The following RAB38 variants were observed in gnomAD, a reference collection of about 807,000 sequenced individuals.
The protein encoded by RAB38 is ras-related protein Rab-38.
A neutral mutation model predicts 18.4 loss-of-function variants in RAB38; 15 were observed. The ratio of observed to expected loss-of-function variants is 0.82; its 90% CI spans 0.55 to 1.26. The LOEUF is 1.26. Ranked by LOEUF, RAB38 falls within the 50% of genes most tolerant of loss-of-function variation. The pLI, the probability that RAB38 is intolerant of heterozygous loss-of-function variation, is 0.00. For synonymous variants in RAB38, 101 were observed against 104.4 expected (o/e 0.97, Z 0.20); for missense variants, 294 against 267.4 (o/e 1.10, Z -0.69).
At chr11:88,125,447 T>C (rs1182598135) in intron 2 of RAB38, among the ~76,000 whole-genome samples, 1 of 152,228 alleles carries the variant, frequency 6.6e-6, no homozygotes, top group East Asian at 1.9e-4. Flanking sequence ...ATTGACATTC[T>C]CCTTTGAATT....
the RAB38 span, among the ~76,000 whole-genome samples, chr11:87,811,430 A>G: frequency 6.6e-6 from 1 of 152,182 alleles, no homozygotes; most frequent in African/African-American, 2.4e-5. Flanking sequence ...ACTACCTGTA[A>G]CAAATTCATG....
chr11:87,954,860 C>A, the RAB38 span, among the ~76,000 whole-genome samples: 1 of 152,142 alleles, frequency 6.6e-6, no homozygotes, highest in Non-Finnish European at 1.5e-5. Context: ...AAAGCATTAT[C>A]CCGTGTTTAT....
chr11:87,810,102 T>TAC, the RAB38 span, among the ~76,000 whole-genome samples: 1 of 152,192 alleles, frequency 6.6e-6, no homozygotes, highest in Non-Finnish European at 1.5e-5. Context: ...TCTATTATCA[T>TAC]ACAGACACAG....
chr11:87,881,517 T>C, the RAB38 span, among the ~76,000 whole-genome samples: 7 of 152,040 alleles, frequency 4.6e-5, no homozygotes, highest in Non-Finnish European at 1.0e-4. Context: ...AGTGATCTGT[T>C]ATTTTCTCTA....
At chr11:88,106,606 G>A in the RAB38 span, among the ~76,000 whole-genome samples, 4,183 of 152,156 alleles carry the variant, frequency 0.027, 75 homozygotes, top group South Asian at 0.067. Flanking sequence ...TACTGCCTGT[G>A]CCTGGAGGTT....
chr11:87,839,578 G>A, the RAB38 span, among the ~76,000 whole-genome samples: 3 of 152,096 alleles, frequency 2.0e-5, no homozygotes, highest in South Asian at 2.1e-4. Context: ...AAAATTACAC[G>A]ATTTAAGTTA....
the RAB38 span, among the ~76,000 whole-genome samples, chr11:87,976,621 A>C: frequency 2.2e-4 from 24 of 107,884 alleles, no homozygotes; most frequent in Non-Finnish European, 3.4e-4. Flanking sequence ...TTTACATGAT[A>C]TATAAATATA....
At chr11:87,874,912 G>T in the RAB38 span, among the ~76,000 whole-genome samples, 1 of 151,240 alleles carries the variant, frequency 6.6e-6, no homozygotes, top group Non-Finnish European at 1.5e-5. Flanking sequence ...ATTAAAAATA[G>T]AACTACCATA....
At chr11:87,820,219 T>C in the RAB38 span, among the ~76,000 whole-genome samples, 1 of 152,054 alleles carries the variant, frequency 6.6e-6, no homozygotes, top group Non-Finnish European at 1.5e-5. Context: ...CATGGACTGA[T>C]GGAGTGAAAG....
chr11:87,956,954 T>G, the RAB38 span, among the ~76,000 whole-genome samples: 1 of 143,986 alleles, frequency 6.9e-6, no homozygotes, highest in Non-Finnish European at 1.5e-5. Flanking sequence ...CCATTCCTCA[T>G]TGAACCTAAG....
At chr11:88,134,754 T>C (rs1942812321) in intron 2 of RAB38, among the ~76,000 whole-genome samples, 5 of 152,222 alleles carry the variant, frequency 3.3e-5, no homozygotes. Flanking sequence ...TTTCTCACTA[T>C]AATTCAGGTT....
At chr11:88,135,093 C>T (rs1942817461) in intron 2 of RAB38, among the ~76,000 whole-genome samples, 1 of 151,752 alleles carries the variant, frequency 6.6e-6, no homozygotes, top group South Asian at 2.1e-4. Context: ...CAAATATTTA[C>T]CTTAAAAACA....
the RAB38 span, among the ~76,000 whole-genome samples, chr11:87,900,656 A>AAAGGTAGG: frequency 8.4e-6 from 1 of 118,924 alleles, no homozygotes; most frequent in Non-Finnish European, 1.7e-5. Context: ...TCACAGAAAG[A>AAAGGTAGG]AAGGTAGGAA....
chr11:88,140,738 A>G lies in RAB38; in HGVS notation c.483+8937T>C, dbSNP rs371302724. 2.1e-4 allele frequency among the ~76,000 whole-genome samples: 32 copies of G among 152,282 alleles called. No homozygotes were observed. In the East Asian group the frequency reaches 6.2e-3, roughly 29 times the overall value. ...ACACAACCATGGAATAAATGGAAGG[A>G]GTAGAGATAAGCTTGGAGAAGCAGA... On this transcript the variant is annotated intron_variant, in intron 2 of 2. Transcript: ENST00000243662.
chr11:87,963,153 TATTA>T, the RAB38 span, among the ~76,000 whole-genome samples: 1 of 152,174 alleles, frequency 6.6e-6, no homozygotes, highest in African/African-American at 2.4e-5. Context: ...TGTAACAGTA[TATTA>T]ATTCTCTGAA....
chr11:87,881,738 T>C, the RAB38 span, among the ~76,000 whole-genome samples: 1 of 151,866 alleles, frequency 6.6e-6, no homozygotes, highest in African/African-American at 2.4e-5. Context: ...CAGGTTTCCC[T>C]CACTTTCTGC....
the RAB38 span, among the ~76,000 whole-genome samples, chr11:87,924,569 C>G: frequency 3.9e-5 from 6 of 152,050 alleles, no homozygotes; most frequent in East Asian, 1.2e-3. Flanking sequence ...ATGGAGGAGA[C>G]CCTCACTCTA....
At chr11:87,878,258 CTATCTATCT>C in the RAB38 span, among the ~76,000 whole-genome samples, 331 of 115,450 alleles carry the variant, frequency 2.9e-3, 19 homozygotes, top group African/African-American at 9.8e-3. Flanking sequence ...TATCATCTAT[CTATCTATCT>C]ATCTATCTAT....
chr11:87,811,360 C>T, the RAB38 span, among the ~76,000 whole-genome samples: 3 of 152,164 alleles, frequency 2.0e-5, no homozygotes, highest in South Asian at 2.1e-4. Context: ...TGCCAGCTGC[C>T]GAATTATCAT....
Sources: gnomAD v4.1 joint callset for allele counts (sites outside exome capture counted in the v4.1 genomes callset) on GRCh38, gnomAD v4.1.1 for gene constraint, MANE v1.5 for transcripts, NCBI Gene and HGNC (gene_info 2026-07-23, HGNC 2026-07-21) for gene names.